Variants in NLRP13 observed in about 807,000 individuals in gnomAD.
NLRP13 encodes NACHT, LRR and PYD domains-containing protein 13.
NLRP13 carries 82 observed loss-of-function variants against 94.4 expected under a neutral mutation model. The ratio of observed to expected loss-of-function variants is 0.87; its 90% confidence interval spans 0.73 to 1.04. The LOEUF (loss-of-function observed/expected upper bound fraction) is 1.04, where lower values mean the gene tolerates loss of function less well. NLRP13 is among the 50% of genes least tolerant of loss of function. NLRP13 has a pLI of 0.00. For missense variants in NLRP13, 1,426 were observed against 1,230.8 expected (o/e 1.16, Z -2.37); for synonymous variants, 553 against 464.7 (o/e 1.19, Z -2.45).
chr19:55,900,223 GAAAAACAAAA>G (rs1986129113), intron 9 of NLRP13, among the ~76,000 whole-genome samples: 1 of 145,100 alleles, frequency 6.9e-6, no homozygotes, highest in Non-Finnish European at 1.5e-5. Flanking sequence ...GTGACGAGGG[GAAAAACAAAA>G]TGAAACAGGT....
chr19:55,908,263 C>T (rs1986410544), intron 6 of NLRP13, among the ~76,000 whole-genome samples: 1 of 152,046 alleles, frequency 6.6e-6, no homozygotes, highest in Non-Finnish European at 1.5e-5. Context: ...TAGGAAATGA[C>T]CCCCCCATAT....
chr19:55,900,911 A>G (rs1986151115), intron 9 of NLRP13, among the ~76,000 whole-genome samples: 2 of 152,024 alleles, frequency 1.3e-5, no homozygotes, highest in African/African-American at 4.8e-5. Flanking sequence ...GGATTGTAAT[A>G]TATGCTCTTC....
chr19:55,922,051 G>A (rs1027489529), intron 4 of NLRP13, among the ~76,000 whole-genome samples: 5 of 152,174 alleles, frequency 3.3e-5, no homozygotes, highest in African/African-American at 1.2e-4. Flanking sequence ...CAAAGCAGGA[G>A]CAAAGACACA....
downstream of NLRP13, among the ~76,000 whole-genome samples, chr19:55,893,938 G>A (rs966935966): frequency 1.3e-5 from 2 of 151,746 alleles, no homozygotes; most frequent in East Asian, 1.9e-4. Flanking sequence ...GGTGCAGATC[G>A]TGACTCACTT....
chr19:55,906,090 C>A (rs1026678677), intron 7 of NLRP13, among the ~76,000 whole-genome samples: 1 of 152,198 alleles, frequency 6.6e-6, no homozygotes, highest in African/African-American at 2.4e-5. Context: ...GGAATCCCAG[C>A]ACCTTGGGAG....
rs749721321 is a variant in NLRP13, at chr19:55,898,895, C to G, written c.2832G>C (p.Leu944=). ...TATGATTATGGCTGAGGGCATTAGCCAGCTCTCCACAGCCCTCTCTTGTGA... is the reference window on the plus strand; with the variant it reads ...TATGATTATGGCTGAGGGCATTAGCGAGCTCTCCACAGCCCTCTCTTGTGA... The part of the protein sequence containing the change: ...CSFTREGCGE[L]ANALSHNHNV... Residue 944 remains leucine (L), a synonymous_variant, in exon 10 of 11, where the codon CTG becomes CTC. Transcript: ENST00000342929. The G allele has an allele frequency of 1.9e-6, 3 of 1,612,068 alleles. No individual in the cohort carries two copies. Among genetic ancestry groups the G allele is most frequent in the Non-Finnish European group, 2.5e-6 (3 of 1,179,522 alleles).
chr19:55,924,527 G>T, intron 3 of NLRP13, 63 bp downstream of exon 3: 1 of 1,175,734 alleles, frequency 8.5e-7, no homozygotes, highest in Non-Finnish European at 1.3e-6. Context: ...CAGCAAATGT[G>T]GACCAATGAA....
intron 9 of NLRP13, among the ~76,000 whole-genome samples, chr19:55,900,487 C>T (rs1250005740): frequency 6.6e-6 from 1 of 152,070 alleles, no homozygotes; most frequent in Non-Finnish European, 1.5e-5. Flanking sequence ...GAATCTAGAA[C>T]CAGGCCAGGC....
At chr19:55,918,704 C>A (rs868446868) in intron 4 of NLRP13, among the ~76,000 whole-genome samples, 10 of 152,068 alleles carry the variant, frequency 6.6e-5, no homozygotes, top group Admixed American at 3.3e-4. Context: ...AGATCAACAA[C>A]AAGGAGTGAG....
chr19:55,918,971 CAACAA>C (rs1393518820), intron 4 of NLRP13, among the ~76,000 whole-genome samples: 1 of 152,014 alleles, frequency 6.6e-6, no homozygotes. Context: ...CAAAAATCTT[CAACAA>C]AATACCAGAA....
At chr19:55,921,567 C>A (rs1260282380) in intron 4 of NLRP13, among the ~76,000 whole-genome samples, 1 of 152,072 alleles carries the variant, frequency 6.6e-6, no homozygotes, top group Non-Finnish European at 1.5e-5. Context: ...AGGTTAAATA[C>A]AAACCATGAC....
At chr19:55,907,289 TGG>T (rs1349478160) in intron 7 of NLRP13, among the ~76,000 whole-genome samples, 1 of 150,410 alleles carries the variant, frequency 6.6e-6, no homozygotes, top group Non-Finnish European at 1.5e-5. Flanking sequence ...CCCACTAGGT[TGG>T]GCCGGGCACA....
chr19:55,909,541 A>G (rs1490816116), intron 6 of NLRP13, among the ~76,000 whole-genome samples: 1 of 11,276 alleles, frequency 8.9e-5, no homozygotes, highest in Non-Finnish European at 1.6e-4. Context: ...GATCTCCAGG[A>G]AAAAAAAAAA....
intron 9 of NLRP13, among the ~76,000 whole-genome samples, chr19:55,900,681 C>G (rs1986142080): frequency 6.7e-6 from 1 of 150,114 alleles, no homozygotes; most frequent in Non-Finnish European, 1.5e-5. Flanking sequence ...GAGGCTGAGA[C>G]AGGAGAATGA....
At position 55,931,982 on chromosome 19, in the gene NLRP13, A is replaced by G. The variant is rs200291474; in HGVS notation, c.319+11T>C. 7.4e-6 allele frequency: 12 copies of G among 1,611,752 alleles called. No homozygotes were observed. Among genetic ancestry groups the G allele is most frequent in the Admixed American group, 3.3e-5 (2 of 59,894 alleles). Reference sequence around the variant, plus strand: ...AGCAGCCCTCCCGCCTTCCTTCTTGAGGACTCTCACCTTTCATCTCGGCTC... The same window carrying G: ...AGCAGCCCTCCCGCCTTCCTTCTTGGGGACTCTCACCTTTCATCTCGGCTC... On this transcript the variant is annotated intron_variant, in intron 1 of 10. Coordinates refer to ENST00000342929, the MANE Select transcript of NLRP13 (RefSeq NM_176810.2).
chr19:55,921,832 A>G (rs1440733254), intron 4 of NLRP13, among the ~76,000 whole-genome samples: 2 of 152,166 alleles, frequency 1.3e-5, no homozygotes, highest in Admixed American at 1.3e-4. Flanking sequence ...CCCAAGAAAT[A>G]CTGGAAGCCA....
rs1355992088 is a variant in NLRP13 at position 55,922,911 on chromosome 19, G to A, written c.523+1003C>T. 2.6e-5 allele frequency among the ~76,000 whole-genome samples: 4 copies of A among 152,314 alleles called. No individual in the cohort carries two copies. In the East Asian group the frequency reaches 5.8e-4, roughly 22 times the overall value. ...ACCATAGAAACAAATATCAGAAGTA[G>A]CCCCAAAGAGTAGTGGGTGGATGTC... On this transcript the variant is annotated intron_variant, in intron 4 of 10. Transcript: ENST00000342929.
chr19:55,928,977 ACAGACACTTCT>A (rs1987037273), intron 1 of NLRP13, among the ~76,000 whole-genome samples: 1 of 152,238 alleles, frequency 6.6e-6, no homozygotes, highest in East Asian at 1.9e-4. Flanking sequence ...AAGTATATGA[ACAGACACTTCT>A]CAAAAGAAGA....
At chr19:55,900,025 T>G (rs1335324825) in intron 9 of NLRP13, among the ~76,000 whole-genome samples, 1 of 151,804 alleles carries the variant, frequency 6.6e-6, no homozygotes, top group Non-Finnish European at 1.5e-5. Context: ...CCTTTCAAAA[T>G]TGCTAACATA....
Sources: allele counts gnomAD v4.1 joint callset (sites outside exome capture counted in the v4.1 genomes callset), GRCh38; gene constraint gnomAD v4.1.1; transcripts MANE v1.5; gene names NCBI Gene and HGNC (gene_info 2026-07-23, HGNC 2026-07-21).